Variants in BLM observed in about 807,000 individuals in gnomAD.
The protein encoded by BLM is BLM RecQ like helicase.
BLM carries 95 observed loss-of-function variants against 135.3 expected under a neutral mutation model. That is an observed-to-expected ratio of 0.70 (90% CI 0.59 to 0.83). The LOEUF is 0.83. Among genes scored for constraint, BLM ranks in the 40% least tolerant of loss-of-function variants. The pLI is 0.00. For missense variants in BLM, 1,518 were observed against 1,663.9 expected (o/e 0.91, Z 1.53); for synonymous variants, 520 against 589.2 (o/e 0.88, Z 1.70).
At chr15:90,755,826 C>T (rs1305262535) in intron 5 of BLM, among the ~76,000 whole-genome samples, 1 of 151,892 alleles carries the variant, frequency 6.6e-6, no homozygotes, top group Non-Finnish European at 1.5e-5. Flanking sequence ...AGGCAATTTC[C>T]GAGAGCTCTT....
chr15:90,724,137 C>T (rs187403116), intron 1 of BLM, among the ~76,000 whole-genome samples: 3 of 152,058 alleles, frequency 2.0e-5, no homozygotes, highest in East Asian at 3.9e-4. Context: ...CTCAGCCTCC[C>T]GAGAAGGTGA....
intron 1 of BLM, among the ~76,000 whole-genome samples, chr15:90,726,614 A>G (rs28745013): frequency 0.037 from 5,620 of 152,216 alleles, 361 homozygotes; most frequent in African/African-American, 0.12. Context: ...CCCAGCCTCC[A>G]GTGTCCTCTG....
intron 1 of BLM, 67 bp from the exon 2 acceptor site, chr15:90,747,322 C>A: frequency 7.9e-7 from 1 of 1,263,792 alleles, no homozygotes; most frequent in East Asian, 2.5e-5. Context: ...CCTTCCTCCC[C>A]TCAAAAAACA....
chr15:90,784,177 TTTTTA>T lies in BLM; in HGVS notation c.2663-743_2663-739del, dbSNP rs1596251429. Among the ~76,000 whole-genome samples, 3 of 152,276 alleles carry T rather than the reference TTTTTA, an allele frequency of 2.0e-5. No homozygotes were observed. The East Asian group carries it at 5.8e-4, about 29-fold the overall frequency. On this transcript the variant is annotated intron_variant, in intron 13 of 21. Transcript: ENST00000355112. ...ATGTTGCTCAGTAAAATCTTTGTAATTTTTAAAGTTTGAAGTAAAACTTTTGTTTA... is the reference window on the plus strand; with the variant it reads ...ATGTTGCTCAGTAAAATCTTTGTAATAAGTTTGAAGTAAAACTTTTGTTTA...
At chr15:90,804,391 A>T in intron 19 of BLM, 32 bp downstream of exon 19, 1 of 1,579,596 alleles carries the variant, frequency 6.3e-7, no homozygotes, top group African/African-American at 1.3e-5. Flanking sequence ...GTTACGTGGC[A>T]CAGATTAATA....
intron 12 of BLM, among the ~76,000 whole-genome samples, chr15:90,772,714 G>C (rs888852180): frequency 6.6e-6 from 1 of 152,188 alleles, no homozygotes; most frequent in Admixed American, 6.5e-5. Context: ...AAGAAGACAA[G>C]ATAAGCTAGA....
Position 90,815,507 on chromosome 15 carries a change from C to T in BLM, c.*228C>T, listed in dbSNP as rs1031144797. The stretch of plus-strand genomic sequence containing the variant: ...GTGTTGTGGCCGTTGTTTCTCAGAA[C>T]GTCTGAGGCAGCAGCTGAATCATCT... On this transcript the variant is annotated 3_prime_UTR_variant, in exon 22 of 22. Transcript: ENST00000355112. The surrounding 1 kb of genome is among the most constrained non-coding windows in gnomAD (Gnocchi z 4.6). The T allele has an allele frequency of 1.5e-5, 8 of 551,100 alleles. No homozygotes were observed. The highest frequency in any genetic ancestry group is 6.5e-5 in the South Asian group (3 of 46,328). The allele number at this position is 551,100 out of a possible 1,614,324, so 34.1% of individuals were successfully genotyped here. A position where few individuals can be genotyped will look rare whatever the true frequency, so the allele number is the denominator to read the frequency against.
intron 4 of BLM, 39 bp downstream of exon 4, chr15:90,751,985 G>A (rs1895699997): frequency 6.5e-7 from 1 of 1,530,206 alleles, no homozygotes; most frequent in East Asian, 2.3e-5. Flanking sequence ...ATTTGTTTCT[G>A]GGATACTTTA....
intron 1 of BLM, among the ~76,000 whole-genome samples, chr15:90,721,510 A>G (rs1894765300): frequency 2.0e-5 from 3 of 151,804 alleles, no homozygotes; most frequent in Admixed American, 1.3e-4. Flanking sequence ...TATTTTTGGT[A>G]CAGATGGGGT....
Position 90,804,288 on chromosome 15 carries a change from A to G in BLM, c.3680A>G (p.Lys1227Arg). Residue 1227 changes from lysine (K) to arginine (R), a missense_variant, in exon 19 of 22, where the codon AAA becomes AGA. Physicochemically the swap from Lys to Arg is conservative, Grantham distance 26. Coordinates refer to ENST00000355112, the MANE Select transcript of BLM (RefSeq NM_000057.4). ...CTTGGAGAACTTACAGAAGTCTGCA[A>G]ATCTCTGGGGAAAGTTTTTGGTGTC... ...KCLGELTEVCKSLGKVFGVHY... is the reference protein window; with the variant it reads ...KCLGELTEVCRSLGKVFGVHY... The G allele has an allele frequency of 1.2e-6, 2 of 1,614,190 alleles. No homozygotes were observed. Among genetic ancestry groups the G allele is most frequent in the Non-Finnish European group, 1.7e-6 (2 of 1,180,006 alleles).
At chr15:90,755,903 C>A (rs1596224665) in intron 5 of BLM, among the ~76,000 whole-genome samples, 1 of 152,186 alleles carries the variant, frequency 6.6e-6, no homozygotes, top group East Asian at 1.9e-4. Flanking sequence ...TTAGCGACGT[C>A]TGCATGCATG....
At chr15:90,797,318 A>T (rs1897050542) in intron 16 of BLM, among the ~76,000 whole-genome samples, 1 of 148,726 alleles carries the variant, frequency 6.7e-6, no homozygotes, top group Non-Finnish European at 1.5e-5. Context: ...CAGGAGGCTG[A>T]GGCAGGAGAA....
chr15:90,724,562 G>A (rs564650406), intron 1 of BLM, among the ~76,000 whole-genome samples: 4 of 152,110 alleles, frequency 2.6e-5, no homozygotes, highest in South Asian at 2.1e-4. Flanking sequence ...CTGTCCACCC[G>A]CATTCCAGAC....
At chr15:90,787,174 C>T (rs976396985) in intron 14 of BLM, among the ~76,000 whole-genome samples, 2 of 150,828 alleles carry the variant, frequency 1.3e-5, no homozygotes, top group African/African-American at 2.5e-5. Context: ...CTCAGCCTCC[C>T]GAGTAGCTGG....
intron 9 of BLM, among the ~76,000 whole-genome samples, chr15:90,766,348 A>T (rs1409280366): frequency 6.6e-6 from 1 of 152,234 alleles, no homozygotes; most frequent in East Asian, 1.9e-4. Context: ...ATTCATATTT[A>T]TCTTATTTAC....
In BLM at chr15:90,785,103, A is replaced by G. The variant is rs1226499984; in HGVS notation, c.2823+22A>G. The G allele has an allele frequency of 2.5e-6, 4 of 1,601,752 alleles. No individual in the cohort carries two copies. The African/African-American group carries it at 5.4e-5, about 22-fold the overall frequency. On this transcript the variant is annotated intron_variant, in intron 14 of 21. Coordinates refer to ENST00000355112, the MANE Select transcript of BLM (RefSeq NM_000057.4). ...TCAGGTAACATTTTTAAAGATAAAC[A>G]AATAATAGAAATAATCTTTTATAGC...
rs10083584 is a variant in BLM at position 90,793,978 on chromosome 15, G to A, written c.3020-189G>A. 55,967 of 392,620 alleles carry A rather than the reference G, an allele frequency of 0.14. 5,665 individuals are homozygous for A. The highest frequency in any genetic ancestry group is 0.38 in the African/African-American group (18,032 of 47,464). 24.3% of individuals were successfully genotyped at this position (392,620 alleles called of 1,614,324 possible). On this transcript the variant is annotated intron_variant, in intron 15 of 21. Coordinates refer to ENST00000355112, the MANE Select transcript of BLM (RefSeq NM_000057.4). The stretch of plus-strand genomic sequence containing the variant: ...AAAAAACCTAACATTTATTCCTATA[G>A]TACTAAAATCTTGAGGATGAACATT...
At chr15:90,754,191 T>C (rs1021594560) in intron 4 of BLM, among the ~76,000 whole-genome samples, 1 of 152,220 alleles carries the variant, frequency 6.6e-6, no homozygotes, top group Non-Finnish European at 1.5e-5. Context: ...GTATCCTCTC[T>C]TTAACACTCA....
At chr15:90,754,112 T>C (rs1895755643) in intron 4 of BLM, among the ~76,000 whole-genome samples, 1 of 152,224 alleles carries the variant, frequency 6.6e-6, no homozygotes, top group African/African-American at 2.4e-5. Flanking sequence ...TTCAGTTTGC[T>C]TAAATCTTAT....
Sources: gnomAD v4.1 joint callset for allele counts (sites outside exome capture counted in the v4.1 genomes callset) on GRCh38, gnomAD v4.1.1 for gene constraint, Gnocchi (gnomAD v3.1) non-coding constraint, MANE v1.5 for transcripts, NCBI Gene and HGNC (gene_info 2026-07-23, HGNC 2026-07-21) for gene names.